The following MTCL1 variants were observed in gnomAD, a reference collection of about 807,000 sequenced individuals.
MTCL1 encodes microtubule crosslinking factor 1, also known as microtubule cross-linking factor 1.
MTCL1 carries 79 observed loss-of-function variants against 141.4 expected under a neutral mutation model. That is an observed-to-expected ratio of 0.56 (90% CI 0.47 to 0.67). The LOEUF (loss-of-function observed/expected upper bound fraction) is 0.67. Among genes scored for constraint, MTCL1 ranks in the 30% least tolerant of loss-of-function variants. MTCL1 has a pLI of 0.00. For missense variants in MTCL1, 2,177 were observed against 2,113.9 expected, an observed-to-expected ratio of 1.03 and a Z score of -0.59; for synonymous variants, 914 against 875.8, an observed-to-expected ratio of 1.04 and a Z score of -0.77.
At chr18:8,799,970 T>A (rs1443532268) in intron 10 of MTCL1, among the ~76,000 whole-genome samples, 1 of 152,226 alleles carries the variant, frequency 6.6e-6, no homozygotes, top group Admixed American at 6.5e-5. Flanking sequence ...GCGGGCCATG[T>A]GTGATAGAAG....
In MTCL1 at chr18:8,739,959, T is replaced by C. The variant is rs191195658; in HGVS notation, c.357+19463T>C. On this transcript the variant is annotated intron_variant, in intron 4 of 16. Transcript: ENST00000359865. ...TGTTGGCCAGGATGTTCTCAATCTCTTGACCTCGTGATCTGCCCGCCTTGG... is the reference window on the plus strand; with the variant it reads ...TGTTGGCCAGGATGTTCTCAATCTCCTGACCTCGTGATCTGCCCGCCTTGG... Among the ~76,000 whole-genome samples the C allele has an allele frequency of 3.7e-3, 563 of 152,334 alleles. 2 individuals are homozygous for C. Among genetic ancestry groups the C allele is most frequent in the African/African-American group, 0.013 (531 of 41,576 alleles).
At chr18:8,782,531 C>G (rs1346019486) in intron 5 of MTCL1, 1 of 152,200 alleles carries the variant, frequency 6.6e-6, no homozygotes, top group East Asian at 1.9e-4. Context: ...CCGTTTTGAC[C>G]TCAGCCAAGC....
chr18:8,831,650 T>C, exon 17 of MTCL1: 2 of 1,550,464 alleles, frequency 1.3e-6, no homozygotes, highest in Non-Finnish European at 1.7e-6. Context: ...GAGCCCTGCT[T>C]CTCCAGGCCC....
chr18:8,780,955 T>C (rs1235535197), intron 5 of MTCL1, among the ~76,000 whole-genome samples: 1 of 151,868 alleles, frequency 6.6e-6, no homozygotes, highest in Non-Finnish European at 1.5e-5. Flanking sequence ...TCATCTGAGG[T>C]CAGGAGTTTG....
chr18:8,781,171 C>T (rs1441194402), intron 5 of MTCL1, among the ~76,000 whole-genome samples: 1 of 91,438 alleles, frequency 1.1e-5, no homozygotes, highest in Non-Finnish European at 1.9e-5. Flanking sequence ...CAGAGCAAGA[C>T]TCCATCTCAA....
chr18:8,805,757 C>T (rs993066274), intron 10 of MTCL1, among the ~76,000 whole-genome samples: 6 of 152,172 alleles, frequency 3.9e-5, no homozygotes, highest in Admixed American at 3.9e-4. Context: ...ACTCTTGCTT[C>T]ATACATGCAC....
At chr18:8,753,027 C>A (rs888040850) in intron 4 of MTCL1, among the ~76,000 whole-genome samples, 1 of 152,154 alleles carries the variant, frequency 6.6e-6, no homozygotes, top group Non-Finnish European at 1.5e-5. Flanking sequence ...ACTATAGACC[C>A]CTAAGGCTAT....
intron 4 of MTCL1, among the ~76,000 whole-genome samples, chr18:8,751,554 A>G (rs913552000): frequency 6.6e-6 from 1 of 152,214 alleles, no homozygotes; most frequent in South Asian, 2.1e-4. Context: ...CATGTCATCA[A>G]CACTCTAAAA....
intron 4 of MTCL1, among the ~76,000 whole-genome samples, chr18:8,769,332 T>G (rs979427692): frequency 2.0e-5 from 3 of 152,212 alleles, no homozygotes; most frequent in African/African-American, 7.2e-5. Flanking sequence ...TTGTTTTTGG[T>G]GCAGTCATCA....
chr18:8,760,861 T>C (rs1400705210), intron 4 of MTCL1, among the ~76,000 whole-genome samples: 1 of 152,206 alleles, frequency 6.6e-6, no homozygotes, highest in Non-Finnish European at 1.5e-5. Context: ...TTAGAAATAT[T>C]TTTCCACAAA....
chr18:8,811,566 G>GCCCCT (rs2076488662), intron 11 of MTCL1, among the ~76,000 whole-genome samples: 2 of 151,886 alleles, frequency 1.3e-5, no homozygotes, highest in Admixed American at 6.6e-5. Flanking sequence ...AAAGTTAAAA[G>GCCCCT]AATCTTTTCA....
chr18:8,782,894 A>T (rs2096537470), intron 5 of MTCL1, among the ~76,000 whole-genome samples: 1 of 152,168 alleles, frequency 6.6e-6, no homozygotes, highest in African/African-American at 2.4e-5. Flanking sequence ...CTTGTGGGAC[A>T]TTAGGGCTGG....
chr18:8,756,707 T>G (rs1341297452), intron 4 of MTCL1, among the ~76,000 whole-genome samples: 1 of 152,188 alleles, frequency 6.6e-6, no homozygotes, highest in African/African-American at 2.4e-5. Context: ...TATCTCTTTA[T>G]GCAGTGAGGT....
intron 7 of MTCL1, 73 bp downstream of exon 6, chr18:8,786,164 T>G: frequency 7.2e-7 from 1 of 1,392,990 alleles, no homozygotes; most frequent in Non-Finnish European, 9.6e-7. Context: ...GTGTGACGTT[T>G]TCTGTCCCGG....
chr18:8,731,137 C>T (rs2096248363), intron 4 of MTCL1, among the ~76,000 whole-genome samples: 7 of 151,810 alleles, frequency 4.6e-5, no homozygotes, highest in South Asian at 2.1e-4. Context: ...CATAGCTACT[C>T]GGGAGGCTGA....
exon 15 of MTCL1, chr18:8,825,236 C>T (rs2076981648): frequency 6.3e-7 from 1 of 1,596,970 alleles, no homozygotes; most frequent in Non-Finnish European, 8.5e-7. Flanking sequence ...CTTGCACCTC[C>T]CCCAGGCACT....
intron 10 of MTCL1, among the ~76,000 whole-genome samples, chr18:8,803,761 T>C (rs2076201708): frequency 6.6e-6 from 1 of 152,242 alleles, no homozygotes; most frequent in African/African-American, 2.4e-5. Context: ...CTGTTTTGAT[T>C]ACTCTGATGC....
exon 15 of MTCL1, chr18:8,825,094 G>A: frequency 1.9e-6 from 3 of 1,607,382 alleles, no homozygotes; most frequent in Non-Finnish European, 2.5e-6. Flanking sequence ...GTGTTACACA[G>A]CCCGCCTGCC....
At chr18:8,770,270 G>T (rs2096479849) in intron 4 of MTCL1, among the ~76,000 whole-genome samples, 1 of 152,204 alleles carries the variant, frequency 6.6e-6, no homozygotes, top group African/African-American at 2.4e-5. Flanking sequence ...AATAACATAT[G>T]CCTCCCCAGA....
Sources: gnomAD v4.1 joint callset for allele counts (sites outside exome capture counted in the v4.1 genomes callset) on GRCh38, gnomAD v4.1.1 for gene constraint, MANE v1.5 for transcripts, NCBI Gene and HGNC (gene_info 2026-07-23, HGNC 2026-07-21) for gene names.